Variants in SLA observed in about 807,000 individuals in gnomAD.
SLA encodes Src like adaptor.
A neutral mutation model predicts 30.3 loss-of-function variants in SLA; 16 were observed. That is an observed-to-expected ratio of 0.53 (90% CI 0.36 to 0.80). SLA has a LOEUF of 0.80. Among genes scored for constraint, SLA ranks in the 30% least tolerant of loss-of-function variants. The pLI, the probability that SLA is intolerant of heterozygous loss-of-function variation, is 0.01. For missense variants in SLA, 310 were observed against 345.2 expected, an observed-to-expected ratio of 0.90 and a Z score of 0.81; for synonymous variants, 143 against 137.8, an observed-to-expected ratio of 1.04 and a Z score of -0.26.
intron 1 of SLA, among the ~76,000 whole-genome samples, chr8:133,081,951 T>C (rs1190805009): frequency 2.0e-5 from 3 of 152,236 alleles, no homozygotes; most frequent in Non-Finnish European, 4.4e-5. Flanking sequence ...AACAGGCATC[T>C]CATTTCTAAG....
At chr8:133,051,021 G>A in intron 3 of SLA, 106 bp from the exon 4 acceptor site, 1 of 672,594 alleles carries the variant, frequency 1.5e-6, no homozygotes. Flanking sequence ...TTTCCAGCAG[G>A]AAATACCTTT....
chr8:133,051,997 G>A (rs763542124), intron 3 of SLA, among the ~76,000 whole-genome samples: 1 of 152,160 alleles, frequency 6.6e-6, no homozygotes, highest in Non-Finnish European at 1.5e-5. Flanking sequence ...ATGTTCTACA[G>A]GATACATAAA....
chr8:133,038,959 C>A (rs749405682), intron 8 of SLA, among the ~76,000 whole-genome samples: 1 of 152,162 alleles, frequency 6.6e-6, no homozygotes, highest in Non-Finnish European at 1.5e-5. Context: ...CTCACTGCAA[C>A]CTCTGCCTCC....
At chr8:133,050,494 G>T in intron 4 of SLA, 1 of 267,220 alleles carries the variant, frequency 3.7e-6, no homozygotes, top group South Asian at 7.0e-5. Context: ...CTGCCTTCCC[G>T]GTCTTCATTC....
At chr8:133,055,382 C>G (rs1344181660) in intron 3 of SLA, among the ~76,000 whole-genome samples, 1 of 134,184 alleles carries the variant, frequency 7.5e-6, no homozygotes, top group Non-Finnish European at 1.5e-5. Flanking sequence ...CACACACACA[C>G]ACACACACAC....
chr8:133,071,887 T>C (rs955026923), intron 2 of SLA, among the ~76,000 whole-genome samples: 1 of 152,156 alleles, frequency 6.6e-6, no homozygotes. Flanking sequence ...ATTATATTCC[T>C]CAATGAAAAG....
chr8:133,085,787 G>A (rs542283746), intron 1 of SLA, among the ~76,000 whole-genome samples: 20 of 152,156 alleles, frequency 1.3e-4, no homozygotes, highest in East Asian at 1.9e-4. Flanking sequence ...AAAATAATGC[G>A]GCCACTTTGA....
intron 8 of SLA, among the ~76,000 whole-genome samples, chr8:133,039,447 A>G (rs890860858): frequency 1.3e-5 from 2 of 152,334 alleles, no homozygotes; most frequent in Admixed American, 6.5e-5. Context: ...TTGATTTGCC[A>G]ATGGGATGTC....
In SLA at chr8:133,050,915, C is replaced by T. The variant is rs772693601; in HGVS notation, c.62G>A (p.Gly21Glu). The change falls in exon 4 of 9, where the codon GGA becomes GAA. Residue 21 changes from glycine (G) to glutamate (E), a missense_variant and splice_region_variant. Physicochemically the swap from Gly to Glu is moderately conservative, Grantham distance 98. Coordinates refer to ENST00000338087, the MANE Select transcript of SLA (RefSeq NM_001045556.3). ...CACGGCAAGGAAGTCGCTATCCAGT[C>T]CTGGGGAAACAAAGGCAAGGGGGAA... ...PAERPLPNPEGLDSDFLAVLS... is the reference protein window; with the variant it reads ...PAERPLPNPEELDSDFLAVLS... The T allele has an allele frequency of 1.1e-5, 17 of 1,606,888 alleles. No homozygotes were observed. Among genetic ancestry groups the T allele is most frequent in the Non-Finnish European group, 1.4e-5 (17 of 1,173,584 alleles).
At position 133,070,029 on chromosome 8, in the gene SLA, A is replaced by AAAAAAAAC. The variant is rs376711807; in HGVS notation, c.-41+4823_-41+4824insGTTTTTTT. 1.4e-4 allele frequency among the ~76,000 whole-genome samples: 15 copies of AAAAAAAAC among 109,796 alleles called. 3 individuals are homozygous for AAAAAAAAC. In the East Asian group the frequency reaches 1.6e-3, roughly 12 times the overall value. The allele number at this position is 109,796 out of a possible 152,430, so 72.0% of individuals were successfully genotyped here. A position where few individuals can be genotyped will look rare whatever the true frequency, so the allele number is the denominator to read the frequency against. On this transcript the variant is annotated intron_variant, in intron 2 of 8. Transcript: ENST00000338087. ...AAAAAAAAAAAAAAAAAAAAAAAGAAAGAAAGAAAGAAAAGAAAAGAAGAA... is the reference window on the plus strand; with the variant it reads ...AAAAAAAAAAAAAAAAAAAAAAAGAAAAAAAAACAGAAAGAAAGAAAAGAAAAGAAGAA...
intron 6 of SLA, 97 bp from the exon 7 acceptor site, chr8:133,045,212 C>CT: frequency 1.3e-5 from 17 of 1,321,838 alleles, no homozygotes; most frequent in Non-Finnish European, 1.5e-5. Context: ...GGAGACCTGC[C>CT]CACCCTTGGG....
chr8:133,065,768 TAATAAAATAA>T lies in SLA; in HGVS notation c.-40-5578_-40-5569del, dbSNP rs60174705. ...CAAGAGTGAAACTCCGTCTCAAAAA[TAATAAAATAA>T]AATAAAATAAAATAAAATAAAAAAG... On this transcript the variant is annotated intron_variant, in intron 2 of 8. Transcript: ENST00000338087. Among the ~76,000 whole-genome samples the T allele has an allele frequency of 3.5e-4, 53 of 150,810 alleles. 1 individual carries two copies. Among genetic ancestry groups the T allele is most frequent in the East Asian group, 2.5e-3 (13 of 5,112 alleles).
At chr8:133,053,997 G>A (rs1564124006) in intron 3 of SLA, among the ~76,000 whole-genome samples, 2 of 152,166 alleles carry the variant, frequency 1.3e-5, no homozygotes, top group Admixed American at 6.5e-5. Context: ...CACTGGGAAG[G>A]TATTACAGTT....
At chr8:133,090,380 A>G (rs1847302017) in intron 1 of SLA, among the ~76,000 whole-genome samples, 1 of 152,168 alleles carries the variant, frequency 6.6e-6, no homozygotes, top group Admixed American at 6.5e-5. Flanking sequence ...AGTCCTTCCT[A>G]CCTGATTTAA....
intron 3 of SLA, among the ~76,000 whole-genome samples, chr8:133,055,424 T>C (rs1305450083): frequency 2.0e-5 from 3 of 149,352 alleles, no homozygotes; most frequent in Non-Finnish European, 4.5e-5. Flanking sequence ...TACATGCAAC[T>C]AACCAATCAC....
In SLA at chr8:133,038,178, C is replaced by T; in HGVS notation, c.*346G>A. ...TTGGAGTGTAACTGTCTGGACAGGT[C>T]CAGTTCCTTGGAGAGCAGTCCTGGT... On this transcript the variant is annotated 3_prime_UTR_variant, in exon 9 of 9. Transcript: ENST00000338087. The T allele has an allele frequency of 3.1e-6, 1 of 319,032 alleles. No individual in the cohort carries two copies. The allele number at this position is 319,032 out of a possible 1,614,324, so 19.8% of individuals were successfully genotyped here.
rs1363296910 is a variant in SLA, at chr8:133,039,984, C to T, written c.617+14G>A. The T allele has an allele frequency of 5.2e-6, 8 of 1,532,686 alleles. No individual in the cohort carries two copies. In the East Asian group the frequency reaches 1.0e-4, roughly 19 times the overall value. The allele number at this position is 1,532,686 out of a possible 1,614,324, so 94.9% of individuals were successfully genotyped here. A position where few individuals can be genotyped will look rare whatever the true frequency, so the allele number is the denominator to read the frequency against. ...ACACACACACACACACACACATACA[C>T]ACACCATACTCACCTGGACACTCTC... is the stretch of plus-strand genomic sequence containing the variant. On this transcript the variant is annotated intron_variant, in intron 8 of 8. Coordinates refer to ENST00000338087, the MANE Select transcript of SLA (RefSeq NM_001045556.3).
chr8:133,053,302 C>T (rs1840770773), intron 3 of SLA, among the ~76,000 whole-genome samples: 1 of 152,196 alleles, frequency 6.6e-6, no homozygotes, highest in South Asian at 2.1e-4. Context: ...CTGTCCCCAC[C>T]CCCGGCTGTG....
At chr8:133,049,774 G>T in intron 5 of SLA, 128 bp downstream of exon 5, 1 of 717,260 alleles carries the variant, frequency 1.4e-6, no homozygotes. Context: ...ACTGGGTTGG[G>T]AGCAGGACTA....
Sources: gnomAD v4.1 joint callset for allele counts (sites outside exome capture counted in the v4.1 genomes callset) on GRCh38, gnomAD v4.1.1 for gene constraint, MANE v1.5 for transcripts, NCBI Gene and HGNC (gene_info 2026-07-23, HGNC 2026-07-21) for gene names.